IQGAP2: variants seen among roughly 807,000 people sequenced by gnomAD.
IQGAP2 encodes the protein IQ motif containing GTPase activating protein 2.
IQGAP2 carries 173 observed loss-of-function variants against 201.3 expected under a neutral mutation model. The observed-to-expected ratio is 0.86, with a 90% CI of 0.76 to 0.98. IQGAP2 has a LOEUF of 0.98. Among genes scored for constraint, IQGAP2 ranks in the 50% least tolerant of loss-of-function variants. The probability of loss-of-function intolerance (pLI) is 0.00; values close to 1 mark genes in which losing one functional copy is unlikely to be tolerated. For missense variants in IQGAP2, 1,687 were observed against 1,864.8 expected (o/e 0.90, Z 1.76); for synonymous variants, 675 against 673.9 (o/e 1.00, Z -0.03).
chr5:76,686,578 C>T (rs1391347137), intron 30 of IQGAP2, among the ~76,000 whole-genome samples: 3 of 152,172 alleles, frequency 2.0e-5, no homozygotes, highest in East Asian at 3.9e-4. Flanking sequence ...GGCATGATCT[C>T]GGGTCACTGC....
intron 21 of IQGAP2, among the ~76,000 whole-genome samples, chr5:76,661,707 C>A (rs1300251072): frequency 6.6e-6 from 1 of 152,172 alleles, no homozygotes; most frequent in African/African-American, 2.4e-5. Flanking sequence ...GCTGTTATTA[C>A]ACTCACTCTA....
chr5:76,499,178 GC>G (rs1304614906), intron 2 of IQGAP2, among the ~76,000 whole-genome samples: 6 of 152,160 alleles, frequency 3.9e-5, no homozygotes, highest in African/African-American at 1.4e-4. Context: ...AACACAAGAA[GC>G]CGTCTCCCCT....
chr5:76,532,560 G>C (rs1759375183), intron 2 of IQGAP2, among the ~76,000 whole-genome samples: 1 of 152,058 alleles, frequency 6.6e-6, no homozygotes, highest in Admixed American at 6.6e-5. Flanking sequence ...CTGTAGGCGT[G>C]GTCAAGGTTT....
At chr5:76,537,710 A>G (rs1462939223) in intron 2 of IQGAP2, among the ~76,000 whole-genome samples, 1 of 152,164 alleles carries the variant, frequency 6.6e-6, no homozygotes, top group East Asian at 1.9e-4. Flanking sequence ...CAATTCTAAA[A>G]TCACTATGGG....
At chr5:76,656,399 T>G (rs1417906812) in intron 20 of IQGAP2, among the ~76,000 whole-genome samples, 3 of 152,108 alleles carry the variant, frequency 2.0e-5, no homozygotes, top group Non-Finnish European at 2.9e-5. Context: ...GCCAGGATGG[T>G]CTTAATCTCC....
chr5:76,594,509 T>A (rs368255239), intron 9 of IQGAP2, among the ~76,000 whole-genome samples: 5 of 152,294 alleles, frequency 3.3e-5, no homozygotes, highest in African/African-American at 1.2e-4. Context: ...GCTGAAAATA[T>A]GAAAGCAAGG....
intron 2 of IQGAP2, among the ~76,000 whole-genome samples, chr5:76,523,076 C>CTTTT (rs35277348): frequency 2.6e-4 from 20 of 78,372 alleles, no homozygotes; most frequent in South Asian, 5.8e-4. Context: ...TTTCTTTTGC[C>CTTTT]TTTTTTTTTT....
intron 27 of IQGAP2, 63 bp from the exon 28 acceptor site, chr5:76,677,155 T>G: frequency 1.3e-6 from 2 of 1,492,712 alleles, no homozygotes; most frequent in Non-Finnish European, 1.8e-6. Flanking sequence ...TCCTAGCTAT[T>G]TTGATGAAAC....
Position 76,677,006 on chromosome 5 carries a change from C to T in IQGAP2, c.3528-212C>T, listed in dbSNP as rs1421039061. ...GGCCTGAGGCCCTTGCCACTCTCTC[C>T]AATCCTGTTTGAGGAGCTGGGTCCA... is the stretch of plus-strand genomic sequence containing the variant. On this transcript the variant is annotated intron_variant, in intron 27 of 35. Coordinates refer to ENST00000274364, the MANE Select transcript of IQGAP2 (RefSeq NM_006633.5). 9.9e-6 allele frequency: 5 copies of T among 504,416 alleles called. No homozygotes were observed. The South Asian group carries it at 1.5e-4, about 15-fold the overall frequency. 31.2% of individuals were successfully genotyped at this position (504,416 alleles called of 1,614,324 possible).
intron 2 of IQGAP2, among the ~76,000 whole-genome samples, chr5:76,488,091 A>C (rs1403521858): frequency 6.6e-6 from 1 of 152,222 alleles, no homozygotes; most frequent in Admixed American, 6.5e-5. Context: ...GAATGATACC[A>C]AGTCATAGGA....
intron 2 of IQGAP2, among the ~76,000 whole-genome samples, chr5:76,479,492 G>C (rs554621705): frequency 8.5e-5 from 13 of 152,154 alleles, no homozygotes; most frequent in African/African-American, 1.2e-4. Flanking sequence ...GGTGGAAATG[G>C]CTGAATTCCA....
At position 76,606,284 on chromosome 5, in the gene IQGAP2, A is replaced by G. The variant is rs1201005673; in HGVS notation, c.1338A>G (p.Gln446=). 16 of 1,598,272 alleles carry G rather than the reference A, an allele frequency of 1.0e-5. No homozygotes were observed. Among genetic ancestry groups the G allele is most frequent in the African/African-American group, 6.7e-5 (5 of 74,404 alleles). The part of the protein sequence containing the change: ...IQNCIDMVNA[Q]IQEENDRVVA... ...ATTGTATTGATATGGTTAATGCTCA[A>G]ATTCAAGAAGAAAATGACCGTAAGT... The change falls in exon 12 of 36, where the codon CAA becomes CAG. Residue 446 remains glutamine, a synonymous_variant. Transcript: ENST00000274364.
intron 2 of IQGAP2, among the ~76,000 whole-genome samples, chr5:76,558,970 G>C (rs181863515): frequency 6.6e-6 from 1 of 151,896 alleles, no homozygotes; most frequent in Admixed American, 6.6e-5. Context: ...GCGCGATCTC[G>C]GCTCACTGCA....
At chr5:76,657,036 G>A (rs1278229227) in intron 20 of IQGAP2, among the ~76,000 whole-genome samples, 2 of 152,130 alleles carry the variant, frequency 1.3e-5, no homozygotes, top group African/African-American at 4.8e-5. Flanking sequence ...AAAGTGGTCT[G>A]ATTTCCTGAA....
At chr5:76,550,333 T>C (rs928195861) in intron 2 of IQGAP2, among the ~76,000 whole-genome samples, 4 of 150,344 alleles carry the variant, frequency 2.7e-5, no homozygotes, top group Non-Finnish European at 5.9e-5. Flanking sequence ...TCCAGGCCCA[T>C]TGGGCTGGCA....
At chr5:76,654,625 T>G (rs968403431) in intron 19 of IQGAP2, among the ~76,000 whole-genome samples, 9 of 152,234 alleles carry the variant, frequency 5.9e-5, no homozygotes, top group African/African-American at 2.2e-4. Context: ...GATTTCTTCC[T>G]GAATATTTAA....
intron 20 of IQGAP2, among the ~76,000 whole-genome samples, chr5:76,657,650 G>A (rs970515315): frequency 2.6e-5 from 4 of 152,196 alleles, no homozygotes; most frequent in Non-Finnish European, 2.9e-5. Flanking sequence ...CAATGGACCA[G>A]ACAATTTATT....
intron 2 of IQGAP2, among the ~76,000 whole-genome samples, chr5:76,468,386 A>G (rs1561394470): frequency 6.6e-6 from 1 of 152,200 alleles, no homozygotes; most frequent in Non-Finnish European, 1.5e-5. Flanking sequence ...CATTTGGTTG[A>G]ACTTTTTACT....
intron 9 of IQGAP2, among the ~76,000 whole-genome samples, chr5:76,593,272 T>C (rs1746783726): frequency 6.6e-6 from 1 of 152,236 alleles, no homozygotes. Context: ...CCCATGATTA[T>C]GCGATGATGT....
Sources: gnomAD v4.1 joint callset for allele counts (sites outside exome capture counted in the v4.1 genomes callset) on GRCh38, gnomAD v4.1.1 for gene constraint, MANE v1.5 for transcripts, NCBI Gene and HGNC (gene_info 2026-07-23, HGNC 2026-07-21) for gene names.